Variants in TPTE2 observed in about 807,000 individuals in gnomAD.
The protein encoded by TPTE2 is phosphatidylinositol 3,4,5-trisphosphate 3-phosphatase TPTE2.
In TPTE2, 53 loss-of-function variants were observed where a neutral mutation model predicts 78.6. The observed-to-expected ratio is 0.67, with a 90% CI of 0.54 to 0.85. The LOEUF is 0.85. Ranked by LOEUF, TPTE2 falls within the 40% of genes least tolerant of loss-of-function variation. The probability of loss-of-function intolerance (pLI) is 0.00; values close to 1 mark genes in which losing one functional copy is unlikely to be tolerated. For synonymous variants in TPTE2, 175 were observed against 206.2 expected, an observed-to-expected ratio of 0.85 and a Z score of 1.30; for missense variants, 461 against 623.0, an observed-to-expected ratio of 0.74 and a Z score of 2.77.
chr13:19,526,207 T>C (rs1163123153), intron 1 of TPTE2, among the ~76,000 whole-genome samples: 1 of 152,146 alleles, frequency 6.6e-6, no homozygotes, highest in East Asian at 1.9e-4. Context: ...AATATAAATA[T>C]CATTCTACCA....
chr13:19,495,555 C>CT (rs1163726146), intron 1 of TPTE2, among the ~76,000 whole-genome samples: 8 of 152,144 alleles, frequency 5.3e-5, no homozygotes, highest in Non-Finnish European at 1.0e-4. Context: ...TGAGAGGACT[C>CT]TAGAAATAGT....
chr13:19,484,789 G>A (rs1199149057), intron 3 of TPTE2, among the ~76,000 whole-genome samples: 5 of 152,122 alleles, frequency 3.3e-5, no homozygotes, highest in African/African-American at 4.8e-5. Flanking sequence ...TCTGATACAA[G>A]TATAGCTATC....
chr13:19,529,896 T>C (rs1870758744), intron 1 of TPTE2, among the ~76,000 whole-genome samples: 1 of 152,166 alleles, frequency 6.6e-6, no homozygotes, highest in Non-Finnish European at 1.5e-5. Flanking sequence ...CTGGCTTTAA[T>C]TTTTGCCCCC....
chr13:19,500,284 T>A (rs1868407583), intron 1 of TPTE2, among the ~76,000 whole-genome samples: 1 of 149,818 alleles, frequency 6.7e-6, no homozygotes, highest in South Asian at 2.1e-4. Context: ...GAGGGAATCC[T>A]CCCTAACTCA....
At chr13:19,540,450 G>A (rs34953721), upstream of TPTE2, among the ~76,000 whole-genome samples, 18 of 151,882 alleles carry the variant, frequency 1.2e-4, no homozygotes, top group African/African-American at 3.9e-4. Flanking sequence ...GACTACAGGC[G>A]TGTGCCACCA....
intron 18 of TPTE2, 135 bp downstream of exon 21, chr13:19,426,290 A>G: frequency 3.0e-6 from 2 of 664,578 alleles, no homozygotes; most frequent in Non-Finnish European, 2.7e-6. Context: ...TCTTTTAAAA[A>G]AATTTGTTAT....
chr13:19,483,375 A>G (rs868022799), intron 3 of TPTE2, among the ~76,000 whole-genome samples: 17 of 152,128 alleles, frequency 1.1e-4, no homozygotes, highest in Admixed American at 2.0e-4. Flanking sequence ...CTTCTTGGTT[A>G]GTCTTGGTAG....
chr13:19,455,876 T>A (rs1350613823), intron 10 of TPTE2, among the ~76,000 whole-genome samples: 7 of 152,098 alleles, frequency 4.6e-5, no homozygotes, highest in Non-Finnish European at 1.0e-4. Context: ...AAACTAGAAA[T>A]AAAATGGACT....
intron 1 of TPTE2, among the ~76,000 whole-genome samples, chr13:19,528,180 G>A (rs372399251): frequency 1.8e-4 from 27 of 151,492 alleles, no homozygotes; most frequent in East Asian, 1.6e-3. Context: ...TCAGGAGTTC[G>A]AGACCAGCCT....
At chr13:19,428,440 C>G (rs1298483670) in intron 17 of TPTE2, among the ~76,000 whole-genome samples, 1 of 151,778 alleles carries the variant, frequency 6.6e-6, no homozygotes, top group Non-Finnish European at 1.5e-5. Flanking sequence ...AAGAGCAAAA[C>G]TCCATCTCAG....
At chr13:19,435,791 C>CACAT (rs750778227) in intron 15 of TPTE2, among the ~76,000 whole-genome samples, 13,243 of 150,912 alleles carry the variant, frequency 0.088, 747 homozygotes, top group Non-Finnish European at 0.13. Flanking sequence ...CACACACACA[C>CACAT]ACCAGGAGTC....
chr13:19,494,145 A>G (rs1881169536), intron 1 of TPTE2, among the ~76,000 whole-genome samples: 1 of 152,204 alleles, frequency 6.6e-6, no homozygotes, highest in Admixed American at 6.5e-5. Flanking sequence ...GTACACAGAA[A>G]ATCTGCTTTT....
the TPTE2 span, among the ~76,000 whole-genome samples, chr13:19,543,487 G>A: frequency 6.6e-6 from 1 of 151,556 alleles, no homozygotes; most frequent in Non-Finnish European, 1.5e-5. Flanking sequence ...CCCCCGTGTA[G>A]CTGGGACTAC....
chr13:19,462,316 T>C (rs9551504), intron 10 of TPTE2, among the ~76,000 whole-genome samples: 113,571 of 151,892 alleles, frequency 0.75, 44,805 homozygotes, highest in East Asian at 0.96. Flanking sequence ...TTTTTGCTTG[T>C]CTAGGAAATA....
At chr13:19,454,775 T>G (rs1197309403) in intron 10 of TPTE2, among the ~76,000 whole-genome samples, 1 of 152,108 alleles carries the variant, frequency 6.6e-6, no homozygotes, top group African/African-American at 2.4e-5. Flanking sequence ...ATGCTAAAAG[T>G]TTTTGGCTTT....
chr13:19,489,482 C>CAT (rs1030258337), intron 3 of TPTE2, among the ~76,000 whole-genome samples: 3 of 150,042 alleles, frequency 2.0e-5, no homozygotes, highest in Admixed American at 6.7e-5. Context: ...TATATGTTTA[C>CAT]ATATATATAC....
At chr13:19,430,952 C>A (rs1351162733) in intron 16 of TPTE2, among the ~76,000 whole-genome samples, 1 of 151,832 alleles carries the variant, frequency 6.6e-6, no homozygotes, top group East Asian at 1.9e-4. Context: ...GATGGTGAAA[C>A]CCCATCTCTA....
intron 15 of TPTE2, among the ~76,000 whole-genome samples, chr13:19,432,949 C>T (rs1027030999): frequency 1.3e-5 from 2 of 152,162 alleles, no homozygotes; most frequent in African/African-American, 2.4e-5. Context: ...TGAAGAGCAG[C>T]TTCCTGGACA....
At chr13:19,452,017 G>C (rs1483882179) in intron 10 of TPTE2, among the ~76,000 whole-genome samples, 1 of 151,908 alleles carries the variant, frequency 6.6e-6, no homozygotes, top group Non-Finnish European at 1.5e-5. Flanking sequence ...AAACTGATTA[G>C]TATGGTACCC....
Sources: allele counts gnomAD v4.1 joint callset (sites outside exome capture counted in the v4.1 genomes callset), GRCh38; gene constraint gnomAD v4.1.1; transcripts MANE v1.5; gene names NCBI Gene and HGNC (gene_info 2026-07-23, HGNC 2026-07-21).